Variants in CACNA2D3 observed in about 807,000 individuals in gnomAD.
CACNA2D3 encodes the protein voltage-dependent calcium channel subunit alpha-2/delta-3.
Under a neutral mutation model 160.6 loss-of-function variants are expected in CACNA2D3, and 60 were observed. The ratio of observed to expected loss-of-function variants is 0.37; its 90% CI spans 0.30 to 0.46. The LOEUF is 0.46. Ranked by LOEUF, CACNA2D3 falls within the 20% of genes least tolerant of loss-of-function variation. The probability of loss-of-function intolerance (pLI) is 1.00; values close to 1 mark genes in which losing one functional copy is unlikely to be tolerated. For synonymous variants in CACNA2D3, 558 were observed against 492.9 expected (o/e 1.13, Z -1.75); for missense variants, 1,205 against 1,365.0 (o/e 0.88, Z 1.85).
At chr3:54,299,682 T>G (rs546893507) in intron 2 of CACNA2D3, among the ~76,000 whole-genome samples, 1 of 152,300 alleles carries the variant, frequency 6.6e-6, no homozygotes, top group Non-Finnish European at 1.5e-5. Context: ...CACCTTGAAT[T>G]CAGAAAAGGG....
At chr3:54,505,463 C>T (rs1168734363) in intron 5 of CACNA2D3, among the ~76,000 whole-genome samples, 2 of 152,152 alleles carry the variant, frequency 1.3e-5, no homozygotes, top group Non-Finnish European at 2.9e-5. Flanking sequence ...ATATCCTCTA[C>T]CCTACTCTTT....
chr3:54,255,913 G>T (rs1022227745), intron 2 of CACNA2D3, among the ~76,000 whole-genome samples: 2 of 152,096 alleles, frequency 1.3e-5, no homozygotes, highest in Non-Finnish European at 2.9e-5. Flanking sequence ...ATGAGGTTAA[G>T]CGAGGTTAAG....
chr3:55,034,293 G>A (rs906625024), intron 35 of CACNA2D3, among the ~76,000 whole-genome samples: 7 of 151,728 alleles, frequency 4.6e-5, no homozygotes, highest in African/African-American at 1.7e-4. Flanking sequence ...TTCTTTTTAT[G>A]ATCAAATTTG....
chr3:54,502,629 G>C (rs1243454478), intron 4 of CACNA2D3, among the ~76,000 whole-genome samples: 1 of 152,144 alleles, frequency 6.6e-6, no homozygotes, highest in Admixed American at 6.5e-5. Flanking sequence ...TGATACAGTA[G>C]ATTTAAGGAC....
chr3:54,883,023 C>A (rs992954319), intron 21 of CACNA2D3, among the ~76,000 whole-genome samples: 5 of 151,972 alleles, frequency 3.3e-5, no homozygotes, highest in African/African-American at 1.2e-4. Flanking sequence ...CACTTTGTAT[C>A]TTTTTGTGTG....
At chr3:54,588,967 AC>A (rs1330870374) in intron 9 of CACNA2D3, among the ~76,000 whole-genome samples, 10 of 151,978 alleles carry the variant, frequency 6.6e-5, no homozygotes. Flanking sequence ...ATAATACCAA[AC>A]TGTGTTTAGG....
chr3:54,751,322 G>A (rs563994906), intron 11 of CACNA2D3, among the ~76,000 whole-genome samples: 5 of 152,088 alleles, frequency 3.3e-5, no homozygotes, highest in East Asian at 1.9e-4. Context: ...TAATAATAAC[G>A]TGCATTTACA....
chr3:54,747,543 A>G (rs987323006), intron 11 of CACNA2D3, among the ~76,000 whole-genome samples: 1 of 152,190 alleles, frequency 6.6e-6, no homozygotes, highest in Non-Finnish European at 1.5e-5. Flanking sequence ...TACATTATGT[A>G]TCAGCTCATG....
At chr3:55,011,040 T>C (rs1385864786) in intron 34 of CACNA2D3, among the ~76,000 whole-genome samples, 9 of 152,264 alleles carry the variant, frequency 5.9e-5, no homozygotes, top group Non-Finnish European at 1.0e-4. Flanking sequence ...ACTATAGTCA[T>C]GGCTTTGTAA....
intron 27 of CACNA2D3, among the ~76,000 whole-genome samples, chr3:54,940,493 C>T (rs950657340): frequency 1.3e-5 from 2 of 152,150 alleles, no homozygotes; most frequent in Non-Finnish European, 1.5e-5. Context: ...CACAGAGCTT[C>T]GGGCCATGTG....
At chr3:54,457,501 C>T (rs1047718892) in intron 4 of CACNA2D3, among the ~76,000 whole-genome samples, 6 of 151,992 alleles carry the variant, frequency 3.9e-5, no homozygotes, top group Admixed American at 6.6e-5. Context: ...GAGAATGTCA[C>T]GTGTGCTGAT....
chr3:54,712,578 C>T (rs1295663096), intron 11 of CACNA2D3, among the ~76,000 whole-genome samples: 1 of 152,226 alleles, frequency 6.6e-6, no homozygotes, highest in African/African-American at 2.4e-5. Flanking sequence ...TCACCTTCCA[C>T]CATGATTGTG....
intron 27 of CACNA2D3, among the ~76,000 whole-genome samples, chr3:54,904,882 A>G (rs2106898452): frequency 6.6e-6 from 1 of 152,324 alleles, no homozygotes; most frequent in East Asian, 1.9e-4. Flanking sequence ...GATATTGATC[A>G]ATATGAATAT....
At chr3:55,050,247 G>T (rs1232429220) in intron 35 of CACNA2D3, among the ~76,000 whole-genome samples, 2 of 150,982 alleles carry the variant, frequency 1.3e-5, no homozygotes, top group Admixed American at 1.3e-4. Flanking sequence ...GGTACCGGTT[G>T]TTCCTTTCCA....
intron 4 of CACNA2D3, among the ~76,000 whole-genome samples, chr3:54,463,334 T>C (rs1475778235): frequency 6.6e-6 from 1 of 152,220 alleles, no homozygotes; most frequent in Non-Finnish European, 1.5e-5. Flanking sequence ...CCTTGCTAGA[T>C]TGGGGAAGTT....
At chr3:54,971,740 T>G (rs927370127) in intron 29 of CACNA2D3, among the ~76,000 whole-genome samples, 1 of 152,238 alleles carries the variant, frequency 6.6e-6, no homozygotes, top group Non-Finnish European at 1.5e-5. Context: ...CTTCAATGAC[T>G]GCTTTCACAG....
intron 4 of CACNA2D3, among the ~76,000 whole-genome samples, chr3:54,411,412 C>T (rs946505023): frequency 6.6e-6 from 1 of 152,186 alleles, no homozygotes; most frequent in South Asian, 2.1e-4. Flanking sequence ...GAAATTGCCA[C>T]AGTCACTCCA....
chr3:54,595,477 A>G (rs1020061407), intron 9 of CACNA2D3, among the ~76,000 whole-genome samples: 9 of 152,190 alleles, frequency 5.9e-5, no homozygotes, highest in East Asian at 1.9e-4. Context: ...TGCCCCTGCC[A>G]TTTCTCCCCA....
intron 5 of CACNA2D3, among the ~76,000 whole-genome samples, chr3:54,513,997 T>C (rs1262111461): frequency 1.3e-5 from 2 of 152,224 alleles, no homozygotes; most frequent in Non-Finnish European, 2.9e-5. Context: ...TATGCACACT[T>C]TATATGTGCG....
Sources: gnomAD v4.1 joint callset for allele counts (sites outside exome capture counted in the v4.1 genomes callset) on GRCh38, gnomAD v4.1.1 for gene constraint, MANE v1.5 for transcripts, NCBI Gene and HGNC (gene_info 2026-07-23, HGNC 2026-07-21) for gene names.